Variants in HOXB3 observed in about 807,000 individuals in gnomAD.
The protein encoded by HOXB3 is homeobox protein Hox-B3.
Under a neutral mutation model 29.2 loss-of-function variants are expected in HOXB3, and 17 were observed. The observed-to-expected ratio is 0.58, with a 90% CI of 0.40 to 0.87. HOXB3 has a LOEUF of 0.87. Ranked by LOEUF, HOXB3 falls within the 40% of genes least tolerant of loss-of-function variation. The pLI is 0.00. For synonymous variants in HOXB3, 317 were observed against 285.9 expected (o/e 1.11, Z -1.10); for missense variants, 637 against 616.3 (o/e 1.03, Z -0.35).
At chr17:48,569,121 A>T (rs997512107) in intron 2 of HOXB3, among the ~76,000 whole-genome samples, 6 of 149,970 alleles carry the variant, frequency 4.0e-5, no homozygotes, top group Admixed American at 2.7e-4. Context: ...GTTGAATTGC[A>T]CGTCAGAAAC....
In HOXB3 at chr17:48,552,084, G is replaced by A; in HGVS notation, c.391C>T (p.Pro131Ser). 6.2e-7 allele frequency: 1 copy of A among 1,610,516 alleles called. No homozygotes were observed. The highest frequency in any genetic ancestry group is 1.1e-5 in the South Asian group (1 of 90,788). The change falls in exon 4 of 5, where the codon CCC becomes TCC. Residue 131 changes from proline to serine, a missense_variant. Physicochemically the swap from Pro to Ser is moderately conservative, Grantham distance 74. Transcript: ENST00000498678. ...TNSTLTKQIF[P>S]WMKESRQTSK... is the part of the protein sequence containing the mutation. ...GTTTGCCTCGACTCTTTCATCCAGG[G>A]GAATATCTGTTTGGTGAGGGTGGAG...
At chr17:48,577,078 G>T in intron 1 of HOXB3, 1 of 1,468,494 alleles carries the variant, frequency 6.8e-7, no homozygotes. Context: ...GAAAGAGAGA[G>T]TCCTTTCTTC....
chr17:48,571,666 G>C (rs1597843586), intron 2 of HOXB3, among the ~76,000 whole-genome samples: 2 of 152,244 alleles, frequency 1.3e-5, no homozygotes, highest in East Asian at 3.9e-4. Context: ...TGAGCCTGTA[G>C]AAGGCCCACA....
In HOXB3 at chr17:48,550,429, A is replaced by C; in HGVS notation, c.1201T>G (p.Cys401Gly). Residue 401 changes from cysteine (C) to glycine (G), a missense_variant, in exon 5 of 5, where the codon TGC becomes GGC. By Grantham distance (159) the Cys-to-Gly change is radical (BLOSUM62 -3). Coordinates refer to ENST00000498678, the MANE Select transcript of HOXB3 (RefSeq NM_001384749.1). ...TCTGTGTAGGTGGGGTGGGGTTCGCAGGGTCCGTGGTGCTGGCTGGGCGCC... is the reference window on the plus strand; with the variant it reads ...TCTGTGTAGGTGGGGTGGGGTTCGCCGGGTCCGTGGTGCTGGCTGGGCGCC... ...PMAPSQHHGP[C>G]EPHPTYTDLS... is the part of the protein sequence containing the mutation. The C allele has an allele frequency of 6.2e-7, 1 of 1,613,838 alleles. No individual in the cohort carries two copies. The highest frequency in any genetic ancestry group is 8.5e-7 in the Non-Finnish European group (1 of 1,179,966).
chr17:48,559,232 C>T (rs568138733), intron 2 of HOXB3, among the ~76,000 whole-genome samples: 10 of 152,222 alleles, frequency 6.6e-5, no homozygotes, highest in East Asian at 1.9e-4. Context: ...TAGACCTCGG[C>T]GGCGGGATCG....
intron 2 of HOXB3, among the ~76,000 whole-genome samples, chr17:48,562,936 T>C (rs2069249224): frequency 6.6e-6 from 1 of 152,166 alleles, no homozygotes; most frequent in Non-Finnish European, 1.5e-5. Flanking sequence ...TGCTCGTCTT[T>C]GTATTATTCA....
At chr17:48,553,292 G>T (rs1339251786) in intron 3 of HOXB3, 1 of 152,268 alleles carries the variant, frequency 6.6e-6, no homozygotes, top group Non-Finnish European at 1.5e-5. Flanking sequence ...CCATGGCCCT[G>T]CTGCAGGTAC....
chr17:48,582,578 G>C (rs2069970039), intron 1 of HOXB3: 1 of 152,122 alleles, frequency 6.6e-6, no homozygotes, highest in African/African-American at 2.4e-5. Flanking sequence ...CGTGACCTGC[G>C]GTTCACCTCT....
intron 1 of HOXB3, among the ~76,000 whole-genome samples, chr17:48,577,252 G>A (rs1257085641): frequency 6.6e-6 from 1 of 152,176 alleles, no homozygotes; most frequent in African/African-American, 2.4e-5. Context: ...GTGTGGTGGG[G>A]AAGGGGGGCG....
At chr17:48,553,527 A>G (rs1350618258) in intron 3 of HOXB3, 1 of 151,636 alleles carries the variant, frequency 6.6e-6, no homozygotes, top group Non-Finnish European at 1.5e-5. Flanking sequence ...GATTTCCCCC[A>G]AAGCAAATAA....
At chr17:48,589,337 C>T (rs768037624) in intron 1 of HOXB3, among the ~76,000 whole-genome samples, 1 of 152,184 alleles carries the variant, frequency 6.6e-6, no homozygotes, top group Non-Finnish European at 1.5e-5. Context: ...ACTTAAACAC[C>T]TAACACCTCT....
In HOXB3 at chr17:48,552,110, T is replaced by G. The variant is rs751576256; in HGVS notation, c.365A>C (p.Asn122Thr). 2 of 1,613,404 alleles carry G rather than the reference T, an allele frequency of 1.2e-6. No individual in the cohort carries two copies. Among genetic ancestry groups the G allele is most frequent in the East Asian group, 2.2e-5 (1 of 44,856 alleles). The change falls in exon 4 of 5, where the codon AAC (asparagine) becomes ACC (threonine). Residue 122 changes from asparagine to threonine, a missense_variant. Transcript: ENST00000498678. The stretch of plus-strand genomic sequence containing the variant: ...GAATATCTGTTTGGTGAGGGTGGAG[T>G]TGGTGCCGGGACCGCACTTTGGGGG... The part of the protein sequence containing the change: ...SGPPKCGPGT[N>T]STLTKQIFPW...
rs2068865570 is a variant in HOXB3, at chr17:48,554,035, G to A, written c.-158-1403C>T. On this transcript the variant is annotated intron_variant, in intron 3 of 4. Coordinates refer to ENST00000498678, the MANE Select transcript of HOXB3 (RefSeq NM_001384749.1). The surrounding 1 kb of genome is among the most constrained non-coding windows in gnomAD (Gnocchi z 4.1). ...CAGATTTATACTCAAAAGGGAATCAGTGTAACCCTGAGTTCCGATTGGTTT... is the reference window on the plus strand; with the variant it reads ...CAGATTTATACTCAAAAGGGAATCAATGTAACCCTGAGTTCCGATTGGTTT... 6.5e-6 allele frequency: 1 copy of A among 154,436 alleles called. No individual in the cohort carries two copies. The highest frequency in any genetic ancestry group is 6.3e-5 in the Admixed American group (1 of 15,808). The allele number at this position is 154,436 out of a possible 1,614,324, so 9.6% of individuals were successfully genotyped here. A position where few individuals can be genotyped will look rare whatever the true frequency, so the allele number is the denominator to read the frequency against.
chr17:48,586,318 C>T (rs1454577980), intron 1 of HOXB3, among the ~76,000 whole-genome samples: 2 of 152,236 alleles, frequency 1.3e-5, no homozygotes, highest in Non-Finnish European at 2.9e-5. Context: ...AAGTCCAATA[C>T]TCTCCAGGCT....
Position 48,554,913 on chromosome 17 carries a change from G to A in HOXB3, c.-159+618C>T. 2.9e-6 allele frequency: 2 copies of A among 687,496 alleles called. No homozygotes were observed. The highest frequency in any genetic ancestry group is 1.5e-5 in the South Asian group (1 of 66,162). The allele number at this position is 687,496 out of a possible 1,614,324, so 42.6% of individuals were successfully genotyped here. ...AGATCTGGGATCCAGAACAAGAGGGGGTGGGGAACAACTCTACCAAGCCAA... is the reference window on the plus strand; with the variant it reads ...AGATCTGGGATCCAGAACAAGAGGGAGTGGGGAACAACTCTACCAAGCCAA... On this transcript the variant is annotated intron_variant, in intron 3 of 4. Coordinates refer to ENST00000498678, the MANE Select transcript of HOXB3 (RefSeq NM_001384749.1). The surrounding 1 kb of genome is among the most constrained non-coding windows in gnomAD (Gnocchi z 4.1).
chr17:48,580,233 G>A (rs965742144), intron 1 of HOXB3: 91 of 224,694 alleles, frequency 4.0e-4, no homozygotes, highest in African/African-American at 1.9e-3. Flanking sequence ...AAGCACAAAA[G>A]GAGGAAGGGT....
At chr17:48,576,541 T>G in intron 1 of HOXB3, 1 of 486,912 alleles carries the variant, frequency 2.1e-6, no homozygotes, top group South Asian at 4.9e-5. Context: ...TCTATTGTCA[T>G]TTCTATAAAT....
chr17:48,583,722 CAGA>C (rs1305225805), intron 1 of HOXB3, among the ~76,000 whole-genome samples: 1 of 152,226 alleles, frequency 6.6e-6, no homozygotes, highest in African/African-American at 2.4e-5. Context: ...TGTGCTGGAA[CAGA>C]AGGAGATGGA....
intron 2 of HOXB3, among the ~76,000 whole-genome samples, chr17:48,564,524 A>C (rs1046462796): frequency 1.3e-5 from 2 of 152,170 alleles, no homozygotes. Flanking sequence ...TTTCCTGAGA[A>C]GCTCCCACTC....
Sources: allele counts gnomAD v4.1 joint callset (sites outside exome capture counted in the v4.1 genomes callset), GRCh38; gene constraint gnomAD v4.1.1; non-coding constraint Gnocchi (gnomAD v3.1); transcripts MANE v1.5; gene names NCBI Gene and HGNC (gene_info 2026-07-23, HGNC 2026-07-21).